MPND: variants seen among roughly 807,000 people sequenced by gnomAD.
The protein encoded by MPND is MPN domain containing, also known as MPN domain-containing protein.
A neutral mutation model predicts 59.2 loss-of-function variants in MPND; 56 were observed. The ratio of observed to expected loss-of-function variants is 0.95; its 90% CI spans 0.76 to 1.18. The LOEUF (loss-of-function observed/expected upper bound fraction) is 1.18. MPND is among the 50% of genes most tolerant of loss of function. The pLI is 0.00. For missense variants in MPND, 671 were observed against 676.0 expected (o/e 0.99, Z 0.08); for synonymous variants, 323 against 291.9 (o/e 1.11, Z -1.09).
chr19:4,357,454 A>AG (rs761510516), intron 9 of MPND, 33 bp downstream of exon 9: 4 of 1,608,226 alleles, frequency 2.5e-6, no homozygotes, highest in Admixed American at 1.7e-5. Context: ...GGGAGCAAGG[A>AG]GGGGGGATGC....
intron 3 of MPND, among the ~76,000 whole-genome samples, chr19:4,349,311 A>G (rs953887072): frequency 2.0e-5 from 3 of 151,294 alleles, no homozygotes; most frequent in Admixed American, 6.6e-5. Context: ...CCTGACCTCA[A>G]GTGATCCACT....
chr19:4,349,169 G>C (rs866008757), intron 3 of MPND: 2 of 152,682 alleles, frequency 1.3e-5, no homozygotes, highest in Non-Finnish European at 2.9e-5. Flanking sequence ...CCGGGTTCAC[G>C]CAATTCTTCT....
rs754962341 is a variant in MPND at position 4,353,023 on chromosome 19, C to T, written c.658C>T (p.His220Tyr). 4.5e-5 allele frequency: 60 copies of T among 1,341,730 alleles called. No individual in the cohort carries two copies. The highest frequency in any genetic ancestry group is 4.0e-4 in the Middle Eastern group (2 of 4,958). The allele number at this position is 1,341,730 out of a possible 1,614,324, so 83.1% of individuals were successfully genotyped here. A position where few individuals can be genotyped will look rare whatever the true frequency, so the allele number is the denominator to read the frequency against. The stretch of plus-strand genomic sequence containing the variant: ...GGGGAAGAGCCCTTCAGAGCCTGCC[C>T]ACCCGGGTGAGAGGCGTGGGGAGGG... ...PLGKSPSEPAHPEATTPGKRV... is the reference protein window; with the variant it reads ...PLGKSPSEPAYPEATTPGKRV... Residue 220 changes from histidine (H) to tyrosine (Y), a missense_variant, in exon 4 of 13, where the codon CAC becomes TAC. Coordinates refer to ENST00000599840, the MANE Select transcript of MPND (RefSeq NM_001300862.2).
At chr19:4,350,669 G>A (rs1048773287) in intron 3 of MPND, among the ~76,000 whole-genome samples, 11 of 152,194 alleles carry the variant, frequency 7.2e-5, no homozygotes, top group Admixed American at 7.2e-4. Context: ...ATGTGGGAAG[G>A]GCAGATCTGG....
intron 11 of MPND, chr19:4,358,515 T>C: frequency 4.1e-6 from 1 of 243,500 alleles, no homozygotes; most frequent in Non-Finnish European, 8.1e-6. Context: ...AAGGCAGACA[T>C]AGTGGCTCAC....
intron 4 of MPND, 25 bp from the exon 5 acceptor site, chr19:4,354,020 C>T: frequency 6.2e-7 from 1 of 1,604,884 alleles, no homozygotes; most frequent in Non-Finnish European, 8.5e-7. Context: ...TGGGGAGGGA[C>T]TGACCCTGCC....
In MPND at chr19:4,354,992, T is replaced by TG. The variant is rs751211217; in HGVS notation, c.896dup (p.Arg300ProfsTer118). 12 of 1,417,822 alleles carry TG rather than the reference T, an allele frequency of 8.5e-6. No homozygotes were observed. The highest frequency in any genetic ancestry group is 1.0e-5 in the Non-Finnish European group (11 of 1,075,546). 87.8% of individuals were successfully genotyped at this position (1,417,822 alleles called of 1,614,324 possible). On this transcript the variant is annotated frameshift_variant, in exon 7 of 13. Coordinates refer to ENST00000599840, the MANE Select transcript of MPND (RefSeq NM_001300862.2). LOFTEE classifies it high-confidence loss of function. ...ACACGGAGTGAGGTCGTGGGTTACC[T>TG]GGGGGGCCGCTGGGACGTCAACAGC...
intron 3 of MPND, among the ~76,000 whole-genome samples, chr19:4,346,426 CT>C (rs959979486): frequency 6.6e-6 from 1 of 150,834 alleles, no homozygotes. Flanking sequence ...TAGTTTTTTT[CT>C]TTTTTTTTGA....
At position 4,352,994 on chromosome 19, in the gene MPND, C is replaced by T; in HGVS notation, c.629C>T (p.Pro210Leu). ...GVSAEDKSRR[P>L]LGKSPSEPAH... The stretch of plus-strand genomic sequence containing the variant: ...TCAGCAGAGGACAAGAGTCGGAGAC[C>T]ACTGGGGAAGAGCCCTTCAGAGCCT... Residue 210 changes from proline to leucine, a missense_variant, in exon 4 of 13, where the codon CCA (proline) becomes CTA (leucine). Transcript: ENST00000599840. 4 of 1,364,040 alleles carry T rather than the reference C, an allele frequency of 2.9e-6. No individual in the cohort carries two copies. The highest frequency in any genetic ancestry group is 3.8e-6 in the Non-Finnish European group (4 of 1,048,378). 84.5% of individuals were successfully genotyped at this position (1,364,040 alleles called of 1,614,324 possible). A position where few individuals can be genotyped will look rare whatever the true frequency, so the allele number is the denominator to read the frequency against.
intron 3 of MPND, among the ~76,000 whole-genome samples, chr19:4,346,868 A>G (rs1972197511): frequency 1.3e-5 from 2 of 152,142 alleles, no homozygotes; most frequent in Middle Eastern, 3.4e-3. Flanking sequence ...CGTCTCTACT[A>G]AAAAGACAAA....
chr19:4,358,943 G>T (rs1455842637), intron 11 of MPND, among the ~76,000 whole-genome samples: 1 of 152,166 alleles, frequency 6.6e-6, no homozygotes. Context: ...ACCTCTCGTG[G>T]CAGCCACTTG....
In MPND at chr19:4,343,780, C is replaced by T; in HGVS notation, c.80C>T (p.Ala27Val). ...APEEDEDEAE[A>V]EDPERPNAGA... ...GAGGAGGACGAGGACGAAGCGGAGG[C>T]CGAGGACCCTGAGCGGCCGAATGCG... Residue 27 changes from alanine to valine, a missense_variant, in exon 2 of 13, where the codon GCC (alanine) becomes GTC (valine). By Grantham distance (64) the Ala-to-Val change is moderately conservative. Coordinates refer to ENST00000599840, the MANE Select transcript of MPND (RefSeq NM_001300862.2). 8.3e-7 allele frequency: 1 copy of T among 1,209,682 alleles called. No individual in the cohort carries two copies. Among genetic ancestry groups the T allele is most frequent in the Non-Finnish European group, 1.0e-6 (1 of 973,098 alleles). The allele number at this position is 1,209,682 out of a possible 1,614,324, so 74.9% of individuals were successfully genotyped here.
chr19:4,357,761 G>C (rs888977388), intron 10 of MPND, 176 bp downstream of exon 10: 2 of 657,812 alleles, frequency 3.0e-6, no homozygotes, highest in African/African-American at 3.7e-5. Flanking sequence ...GGTCCTGGGC[G>C]TGGGGCCTCC....
chr19:4,353,062 G>T, intron 4 of MPND, 33 bp downstream of exon 4: 1 of 1,320,864 alleles, frequency 7.6e-7, no homozygotes, highest in Non-Finnish European at 9.8e-7. Context: ...GCAGGACAGG[G>T]GCGGATACAG....
intron 3 of MPND, among the ~76,000 whole-genome samples, chr19:4,349,883 G>A (rs1972275931): frequency 6.6e-6 from 1 of 152,204 alleles, no homozygotes; most frequent in Admixed American, 6.5e-5. Context: ...TGCCATCGCA[G>A]TAATGCCTAG....
chr19:4,353,520 G>A (rs756492256), intron 4 of MPND, among the ~76,000 whole-genome samples: 3 of 151,268 alleles, frequency 2.0e-5, no homozygotes, highest in Admixed American at 2.0e-4. Flanking sequence ...CACCTGCCTC[G>A]GCCTCCCAAA....
chr19:4,355,445 C>T (rs1407553069), intron 8 of MPND, among the ~76,000 whole-genome samples: 4 of 150,366 alleles, frequency 2.7e-5, no homozygotes, highest in African/African-American at 9.8e-5. Context: ...ACGCCATTCT[C>T]CTGCCTCAGC....
chr19:4,357,453 GA>G, intron 9 of MPND, 32 bp downstream of exon 9: 1 of 1,609,762 alleles, frequency 6.2e-7, no homozygotes. Context: ...GGGGAGCAAG[GA>G]GGGGGGATGC....
intron 6 of MPND, 43 bp from the exon 7 acceptor site, chr19:4,354,891 CAGTGTTGGGGCAGGG>C: frequency 6.7e-7 from 1 of 1,491,560 alleles, no homozygotes; most frequent in Non-Finnish European, 9.1e-7. Flanking sequence ...AGGCTGGCTC[CAGTGTTGGGGCAGGG>C]CCACAGCCTG....
Sources: allele counts gnomAD v4.1 joint callset (sites outside exome capture counted in the v4.1 genomes callset), GRCh38; gene constraint gnomAD v4.1.1; transcripts MANE v1.5; gene names NCBI Gene and HGNC (gene_info 2026-07-23, HGNC 2026-07-21).